Variants in MINDY4 observed in about 807,000 individuals in gnomAD.
MINDY4 encodes MINDY lysine 48 deubiquitinase 4.
Under a neutral mutation model 87.0 loss-of-function variants are expected in MINDY4, and 68 were observed. The observed-to-expected ratio is 0.78, with a 90% CI of 0.64 to 0.96. MINDY4 has a LOEUF of 0.96. Among genes scored for constraint, MINDY4 ranks in the 40% least tolerant of loss-of-function variants. MINDY4 has a pLI of 0.00. For missense variants in MINDY4, 919 were observed against 928.2 expected (o/e 0.99, Z 0.13); for synonymous variants, 379 against 363.2 (o/e 1.04, Z -0.50).
chr7:30,786,277 TTGTC>T, intron 4 of MINDY4: 1 of 398,902 alleles, frequency 2.5e-6, no homozygotes, highest in Admixed American at 4.2e-5. Flanking sequence ...CTACTCAGCT[TTGTC>T]TTTGCAGTTC....
At chr7:30,775,698 G>A (rs888701943) in intron 1 of MINDY4, among the ~76,000 whole-genome samples, 1 of 152,052 alleles carries the variant, frequency 6.6e-6, no homozygotes, top group African/African-American at 2.4e-5. Context: ...AGCTATCTAG[G>A]GGTCCCCATC....
At chr7:30,778,625 C>G (rs1023378889) in intron 2 of MINDY4, 74 bp downstream of exon 2, 182 of 1,562,228 alleles carry the variant, frequency 1.2e-4, no homozygotes, top group Non-Finnish European at 1.5e-4. Flanking sequence ...ATGGGCCCTG[C>G]CAGTGACAGG....
chr7:30,799,589 G>T (rs1787589295), intron 5 of MINDY4, among the ~76,000 whole-genome samples: 1 of 152,226 alleles, frequency 6.6e-6, no homozygotes, highest in Non-Finnish European at 1.5e-5. Flanking sequence ...AAGAACAATG[G>T]TTCTTAAACT....
chr7:30,882,893 A>G (rs748741163), intron 16 of MINDY4, 28 bp from the exon 17 acceptor site: 6 of 1,459,336 alleles, frequency 4.1e-6, no homozygotes, highest in African/African-American at 5.0e-5. Context: ...CCTGGGTGAC[A>G]TGTGTGTGCC....
intron 17 of MINDY4, 91 bp from the exon 18 acceptor site, chr7:30,891,866 A>G (rs1278326467): frequency 7.4e-7 from 1 of 1,343,008 alleles, no homozygotes; most frequent in Non-Finnish European, 1.1e-6. Context: ...CTCCAAGACA[A>G]AACCTTCAGG....
intron 1 of MINDY4, among the ~76,000 whole-genome samples, chr7:30,772,124 C>T (rs1321524786): frequency 1.3e-5 from 2 of 152,112 alleles, no homozygotes; most frequent in African/African-American, 4.8e-5. Flanking sequence ...CTTGGAAGGT[C>T]CTTAGCTGTC....
chr7:30,792,427 A>G (rs185987404), intron 5 of MINDY4, among the ~76,000 whole-genome samples: 32 of 152,292 alleles, frequency 2.1e-4, no homozygotes, highest in Non-Finnish European at 3.4e-4. Flanking sequence ...ATCCCCTTGA[A>G]GAGTGAGTGT....
intron 10 of MINDY4, among the ~76,000 whole-genome samples, chr7:30,851,977 C>CT (rs1176189687): frequency 6.6e-6 from 1 of 152,170 alleles, no homozygotes; most frequent in African/African-American, 2.4e-5. Flanking sequence ...CAAGCTCTCC[C>CT]TTTGCAGTCT....
At chr7:30,890,687 T>G (rs1790770657) in intron 17 of MINDY4, among the ~76,000 whole-genome samples, 1 of 152,116 alleles carries the variant, frequency 6.6e-6, no homozygotes, top group Non-Finnish European at 1.5e-5. Context: ...TTAGAGACTT[T>G]GATGCAGCAA....
intron 15 of MINDY4, among the ~76,000 whole-genome samples, chr7:30,877,345 C>G (rs987685389): frequency 6.6e-6 from 1 of 152,124 alleles, no homozygotes; most frequent in Non-Finnish European, 1.5e-5. Context: ...GTGGAGGGTA[C>G]TTGATGGGAA....
intron 5 of MINDY4, among the ~76,000 whole-genome samples, chr7:30,826,065 G>A (rs1006922440): frequency 2.0e-5 from 3 of 152,128 alleles, no homozygotes; most frequent in Admixed American, 6.5e-5. Flanking sequence ...TGTTCACATC[G>A]CCTTCTCTTC....
At chr7:30,817,754 A>G (rs1788199655) in intron 5 of MINDY4, among the ~76,000 whole-genome samples, 1 of 152,230 alleles carries the variant, frequency 6.6e-6, no homozygotes, top group South Asian at 2.1e-4. Context: ...AGGTGATGCC[A>G]GTCTTACCTA....
At chr7:30,819,533 T>C (rs932687269) in intron 5 of MINDY4, among the ~76,000 whole-genome samples, 2 of 152,210 alleles carry the variant, frequency 1.3e-5, no homozygotes, top group African/African-American at 4.8e-5. Flanking sequence ...TTCTTATTAA[T>C]GTTATTTTTC....
intron 5 of MINDY4, among the ~76,000 whole-genome samples, chr7:30,820,768 C>A (rs905256798): frequency 6.6e-5 from 10 of 152,234 alleles, no homozygotes; most frequent in Non-Finnish European, 8.8e-5. Context: ...GTTGTCTCCA[C>A]CTTTTGGTTA....
chr7:30,874,224 G>A (rs935606917), intron 14 of MINDY4, among the ~76,000 whole-genome samples: 3 of 152,228 alleles, frequency 2.0e-5, no homozygotes. Context: ...CCTAGTGCTG[G>A]GGCTGGGCTC....
Position 30,867,956 on chromosome 7 carries a change from A to T in MINDY4, c.1746-4287A>T, listed in dbSNP as rs936486366. On this transcript the variant is annotated intron_variant, in intron 13 of 17. Coordinates refer to ENST00000265299, the MANE Select transcript of MINDY4 (RefSeq NM_032222.3). ...CAGTCCTCTGGCTTTCTAAGTGAAG[A>T]CACAAGCTGAGAGAGAGGTCAGGAC... Among the ~76,000 whole-genome samples the T allele has an allele frequency of 3.9e-5, 6 of 152,304 alleles. 1 individual carries two copies. The highest frequency in any genetic ancestry group is 3.4e-3 in the Middle Eastern group (1 of 294).
intron 17 of MINDY4, 124 bp from the exon 18 acceptor site, chr7:30,891,833 A>T: frequency 1.1e-6 from 1 of 929,308 alleles, no homozygotes; most frequent in Non-Finnish European, 1.8e-6. Flanking sequence ...GATGAGCAGG[A>T]TGGAAACCGA....
intron 5 of MINDY4, among the ~76,000 whole-genome samples, chr7:30,821,955 A>AT (rs533207893): frequency 1.5e-3 from 230 of 152,262 alleles, no homozygotes; most frequent in African/African-American, 5.3e-3. Flanking sequence ...AATTGGTATG[A>AT]TTTTGTCACA....
intron 1 of MINDY4, among the ~76,000 whole-genome samples, chr7:30,775,870 C>G (rs986069490): frequency 1.3e-5 from 2 of 152,192 alleles, no homozygotes; most frequent in Non-Finnish European, 2.9e-5. Context: ...ACAACTGTGC[C>G]CATTGGAATA....
Sources: allele counts gnomAD v4.1 joint callset (sites outside exome capture counted in the v4.1 genomes callset), GRCh38; gene constraint gnomAD v4.1.1; transcripts MANE v1.5; gene names NCBI Gene and HGNC (gene_info 2026-07-23, HGNC 2026-07-21).